CNTLN: variants seen among roughly 807,000 people sequenced by gnomAD.
The protein encoded by CNTLN is centlein, centrosomal protein.
Under a neutral mutation model 180.0 loss-of-function variants are expected in CNTLN, and 212 were observed. The observed-to-expected ratio is 1.18, with a 90% CI of 1.05 to 1.32. CNTLN has a LOEUF of 1.32. CNTLN is among the 40% of genes most tolerant of loss of function. The pLI is 0.00. For synonymous variants in CNTLN, 722 were observed against 563.1 expected (o/e 1.28, Z -3.99); for missense variants, 2,095 against 1,610.9 (o/e 1.30, Z -5.14).
chr9:17,444,450 G>A (rs1830287180), intron 18 of CNTLN, among the ~76,000 whole-genome samples: 1 of 152,286 alleles, frequency 6.6e-6, no homozygotes, highest in South Asian at 2.1e-4. Context: ...TTTCTATTGG[G>A]CAGGACTGAT....
At chr9:17,234,691 GT>G (rs1825027458) in intron 3 of CNTLN, among the ~76,000 whole-genome samples, 1 of 152,016 alleles carries the variant, frequency 6.6e-6, no homozygotes, top group Non-Finnish European at 1.5e-5. Flanking sequence ...AAAAAAAGGT[GT>G]TTCTATCTTG....
intron 2 of CNTLN, among the ~76,000 whole-genome samples, chr9:17,207,308 T>G (rs1253112566): frequency 6.6e-6 from 1 of 152,226 alleles, no homozygotes; most frequent in African/African-American, 2.4e-5. Flanking sequence ...TGTGTGTGCC[T>G]TTTCTTCTTC....
chr9:17,228,611 A>G (rs1038168886), intron 3 of CNTLN, among the ~76,000 whole-genome samples: 10 of 152,062 alleles, frequency 6.6e-5, no homozygotes, highest in Non-Finnish European at 1.5e-4. Context: ...ATTCTCCTAC[A>G]CTACTTTGTT....
intron 5 of CNTLN, among the ~76,000 whole-genome samples, chr9:17,241,909 A>G (rs994221480): frequency 6.6e-6 from 1 of 152,178 alleles, no homozygotes; most frequent in African/African-American, 2.4e-5. Flanking sequence ...GTATCCTGCA[A>G]CTTTACCGAA....
At chr9:17,452,689 A>G (rs1692612890) in intron 18 of CNTLN, among the ~76,000 whole-genome samples, 1 of 152,252 alleles carries the variant, frequency 6.6e-6, no homozygotes, top group Non-Finnish European at 1.5e-5. Flanking sequence ...GTGTGTAAAA[A>G]GAATAAATGA....
intron 2 of CNTLN, among the ~76,000 whole-genome samples, chr9:17,222,663 G>A (rs1824219771): frequency 6.6e-6 from 1 of 151,884 alleles, no homozygotes; most frequent in Non-Finnish European, 1.5e-5. Flanking sequence ...CCCAGTCTCG[G>A]GTATGTCTTT....
chr9:17,393,340 G>A (rs1247474228), intron 14 of CNTLN, among the ~76,000 whole-genome samples: 1 of 152,100 alleles, frequency 6.6e-6, no homozygotes, highest in Non-Finnish European at 1.5e-5. Flanking sequence ...TATCAAACAT[G>A]TTTCTCTTTG....
At chr9:17,498,625 C>T (rs1833582119) in intron 25 of CNTLN, among the ~76,000 whole-genome samples, 1 of 152,162 alleles carries the variant, frequency 6.6e-6, no homozygotes, top group Non-Finnish European at 1.5e-5. Context: ...GAAATCTTCA[C>T]CTGTCCATTT....
chr9:17,374,956 G>C lies in CNTLN; in HGVS notation c.1987+8239G>C, dbSNP rs76676624. Among the ~76,000 whole-genome samples the C allele has an allele frequency of 0.019, 2,815 of 152,000 alleles. 185 individuals carry two copies. In the East Asian group the frequency reaches 0.25, roughly 13 times the overall value. ...AGAAAGGAAATCAGTATATTGAAGA[G>C]ATATCTGCATTCCCATGTTTATTGC... On this transcript the variant is annotated intron_variant, in intron 13 of 25. Transcript: ENST00000380647.
intron 2 of CNTLN, among the ~76,000 whole-genome samples, chr9:17,158,127 C>A (rs1013621713): frequency 6.6e-6 from 1 of 152,072 alleles, no homozygotes; most frequent in East Asian, 1.9e-4. Context: ...GGATACCCAA[C>A]CTGTATCTTT....
At chr9:17,450,227 G>A (rs1443545807) in intron 18 of CNTLN, among the ~76,000 whole-genome samples, 4 of 152,096 alleles carry the variant, frequency 2.6e-5, no homozygotes, top group Non-Finnish European at 5.9e-5. Flanking sequence ...TTATAACAAA[G>A]TAGCACCTTA....
chr9:17,520,676 A>G, the CNTLN span, among the ~76,000 whole-genome samples: 2 of 152,256 alleles, frequency 1.3e-5, no homozygotes, highest in South Asian at 2.1e-4. Context: ...TTAACTGATA[A>G]TTGGGTTGCA....
intron 6 of CNTLN, among the ~76,000 whole-genome samples, chr9:17,296,852 TAA>T (rs1201380522): frequency 6.6e-6 from 1 of 152,242 alleles, no homozygotes; most frequent in Admixed American, 6.5e-5. Context: ...ATTAATGTTC[TAA>T]ATCTCTAAGG....
intron 15 of CNTLN, among the ~76,000 whole-genome samples, chr9:17,399,920 C>T (rs1156350756): frequency 6.6e-6 from 1 of 152,184 alleles, no homozygotes; most frequent in Non-Finnish European, 1.5e-5. Flanking sequence ...TGTCTTACCA[C>T]ATTTTCCCAT....
At chr9:17,269,199 A>G (rs1187838023) in intron 5 of CNTLN, among the ~76,000 whole-genome samples, 2 of 151,938 alleles carry the variant, frequency 1.3e-5, no homozygotes, top group Non-Finnish European at 2.9e-5. Context: ...TCAATTTTTA[A>G]ATATCTCTTC....
intron 9 of CNTLN, 138 bp downstream of exon 9, chr9:17,330,946 C>G: frequency 1.4e-6 from 1 of 701,092 alleles, no homozygotes; most frequent in South Asian, 2.3e-5. Flanking sequence ...GTACCGAACT[C>G]TTGTTAAATA....
At chr9:17,409,744 C>G (rs113479101) in intron 16 of CNTLN, among the ~76,000 whole-genome samples, 13 of 152,096 alleles carry the variant, frequency 8.5e-5, no homozygotes, top group African/African-American at 3.1e-4. Flanking sequence ...TTATTGTTTT[C>G]AGGTATATGA....
At chr9:17,383,014 A>G (rs967239261) in intron 13 of CNTLN, among the ~76,000 whole-genome samples, 2 of 152,144 alleles carry the variant, frequency 1.3e-5, no homozygotes, top group Non-Finnish European at 2.9e-5. Flanking sequence ...TTCCATGTAG[A>G]AAAGACCTCC....
chr9:17,389,431 T>G (rs1220222505), intron 14 of CNTLN, among the ~76,000 whole-genome samples: 2 of 152,170 alleles, frequency 1.3e-5, no homozygotes, highest in African/African-American at 4.8e-5. Flanking sequence ...TACTATTTCT[T>G]GCCTTAGGGT....
Sources: allele counts gnomAD v4.1 joint callset (sites outside exome capture counted in the v4.1 genomes callset), GRCh38; gene constraint gnomAD v4.1.1; transcripts MANE v1.5; gene names NCBI Gene and HGNC (gene_info 2026-07-23, HGNC 2026-07-21).